C3orf49: variants seen among roughly 807,000 people sequenced by gnomAD.
The protein encoded by C3orf49 is putative uncharacterized protein C3orf49.
C3orf49 carries 27 observed loss-of-function variants against 13.3 expected under a neutral mutation model. The ratio of observed to expected loss-of-function variants is 2.02; its 90% CI spans 1.49 to 2.79. The LOEUF (loss-of-function observed/expected upper bound fraction) is 2.79, where lower values mean the gene tolerates loss of function less well. Ranked by LOEUF, C3orf49 falls within the 30% of genes most tolerant of loss-of-function variation. The pLI is 0.00. For synonymous variants in C3orf49, 87 were observed against 47.6 expected (o/e 1.83, Z -3.40); for missense variants, 242 against 134.2 (o/e 1.80, Z -3.97).
At position 63,840,230 on chromosome 3, in the gene C3orf49, C is replaced by T. The variant is rs1039002313; in HGVS notation, c.850-4793C>T. On this transcript the variant is annotated intron_variant, in intron 5 of 6. Coordinates refer to ENST00000295896, the MANE Select transcript of C3orf49 (RefSeq NM_001355236.2). Reference sequence around the variant, plus strand: ...TAATGTCTCTGGCTGTTGAGAAGCACTGACAAAAGGAATAGACAGGAAATA... The same window carrying T: ...TAATGTCTCTGGCTGTTGAGAAGCATTGACAAAAGGAATAGACAGGAAATA... Among the ~76,000 whole-genome samples, 9 of 151,696 alleles carry T rather than the reference C, an allele frequency of 5.9e-5. No individual in the cohort carries two copies. The East Asian group carries it at 1.7e-3, about 29-fold the overall frequency.
At chr3:63,790,574 G>C in the C3orf49 span, among the ~76,000 whole-genome samples, 1 of 147,694 alleles carries the variant, frequency 6.8e-6, no homozygotes, top group Non-Finnish European at 1.5e-5. Context: ...CCAAGTCTAG[G>C]ATCTTGCTAT....
At chr3:63,781,315 T>C in the C3orf49 span, among the ~76,000 whole-genome samples, 4 of 152,036 alleles carry the variant, frequency 2.6e-5, no homozygotes, top group East Asian at 5.8e-4. Context: ...TGCGGCATTA[T>C]GTCTGAGGGC....
intron 5 of C3orf49, among the ~76,000 whole-genome samples, chr3:63,843,627 G>T (rs1490759479): frequency 6.6e-6 from 1 of 152,118 alleles, no homozygotes; most frequent in African/African-American, 2.4e-5. Flanking sequence ...TGGGCTGGGC[G>T]TGGTGGCTCA....
At chr3:63,793,402 C>G in the C3orf49 span, among the ~76,000 whole-genome samples, 1 of 152,042 alleles carries the variant, frequency 6.6e-6, no homozygotes, top group African/African-American at 2.4e-5. Flanking sequence ...CATCAGCAAC[C>G]CCCCTTTTAT....
At chr3:63,833,872 C>A in intron 5 of C3orf49, 1 of 368,588 alleles carries the variant, frequency 2.7e-6, no homozygotes. Context: ...CAAACATATG[C>A]AGCTTAAAAG....
chr3:63,838,294 A>C, intron 5 of C3orf49: 2 of 1,093,124 alleles, frequency 1.8e-6, no homozygotes, highest in Non-Finnish European at 2.6e-6. Context: ...TTTACCACCA[A>C]AGAAAATTGT....
At chr3:63,788,258 G>A in the C3orf49 span, among the ~76,000 whole-genome samples, 1 of 152,160 alleles carries the variant, frequency 6.6e-6, no homozygotes, top group African/African-American at 2.4e-5. Flanking sequence ...CAAATGTTAA[G>A]GAAGTGATCC....
At chr3:63,785,988 A>G in the C3orf49 span, 1 of 152,174 alleles carries the variant, frequency 6.6e-6, no homozygotes, top group African/African-American at 2.4e-5. Context: ...TTCTAGATTC[A>G]CTTTCAAAAT....
chr3:63,790,770 G>T, the C3orf49 span, among the ~76,000 whole-genome samples: 1 of 152,068 alleles, frequency 6.6e-6, no homozygotes, highest in Non-Finnish European at 1.5e-5. Context: ...AGTGGCCTTT[G>T]TTTTTGATAT....
chr3:63,801,093 G>T, the C3orf49 span, among the ~76,000 whole-genome samples: 2 of 151,940 alleles, frequency 1.3e-5, no homozygotes, highest in African/African-American at 4.8e-5. Context: ...CCTGGGGAAG[G>T]GAAAAAAGGG....
At chr3:63,838,268 T>C in intron 5 of C3orf49, 1 of 962,632 alleles carries the variant, frequency 1.0e-6, no homozygotes, top group Admixed American at 3.1e-5. Context: ...ATTAATACAG[T>C]AATTGTTATT....
intron 5 of C3orf49, chr3:63,838,638 T>C (rs1434552099): frequency 2.4e-6 from 2 of 826,732 alleles, no homozygotes; most frequent in African/African-American, 1.8e-5. Context: ...ATTTAGAATA[T>C]CTGTCCCTTA....
chr3:63,782,007 C>T, the C3orf49 span, among the ~76,000 whole-genome samples: 3 of 152,204 alleles, frequency 2.0e-5, no homozygotes, highest in East Asian at 5.8e-4. Context: ...GCTCTAGAGC[C>T]TGTATGCTTA....
chr3:63,812,457 C>G, the C3orf49 span, among the ~76,000 whole-genome samples: 1 of 152,102 alleles, frequency 6.6e-6, no homozygotes, highest in Non-Finnish European at 1.5e-5. Context: ...TCTCCAGATT[C>G]AAGATAAAAA....
In C3orf49 at chr3:63,843,679, T is replaced by C. The variant is rs552327392; in HGVS notation, c.850-1344T>C. Reference sequence around the variant, plus strand: ...ACTTTGGGAGGCCAAGGTGGGCGCATCACGAGGTCAGGAGATCGAGACCAT... The same window carrying C: ...ACTTTGGGAGGCCAAGGTGGGCGCACCACGAGGTCAGGAGATCGAGACCAT... On this transcript the variant is annotated intron_variant, in intron 5 of 6. Transcript: ENST00000295896. 6.6e-5 allele frequency among the ~76,000 whole-genome samples: 10 copies of C among 152,176 alleles called. No homozygotes were observed. In the East Asian group the frequency reaches 2.0e-3, roughly 30 times the overall value.
In C3orf49 at chr3:63,827,593, T is replaced by G. The variant is rs114179196; in HGVS notation, c.446-8T>G. 2.9e-4 allele frequency: 205 copies of G among 700,536 alleles called. No individual in the cohort carries two copies. The African/African-American group carries it at 3.3e-3, about 11-fold the overall frequency. 43.4% of individuals were successfully genotyped at this position (700,536 alleles called of 1,614,324 possible). A position where few individuals can be genotyped will look rare whatever the true frequency, so the allele number is the denominator to read the frequency against. ...CCTTACAGATTCCTTTTTCCCCCTTTCTTGAAGCGACTATACAACTTGATG... is the reference window on the plus strand; with the variant it reads ...CCTTACAGATTCCTTTTTCCCCCTTGCTTGAAGCGACTATACAACTTGATG... On this transcript the variant is annotated splice_polypyrimidine_tract_variant and splice_region_variant and intron_variant, in intron 2 of 6. Transcript: ENST00000295896.
chr3:63,787,963 T>G, the C3orf49 span, among the ~76,000 whole-genome samples: 2 of 152,230 alleles, frequency 1.3e-5, no homozygotes, highest in Non-Finnish European at 2.9e-5. Context: ...GACTATTTGC[T>G]TTTAGAGAAG....
At chr3:63,798,039 C>A in the C3orf49 span, among the ~76,000 whole-genome samples, 1 of 152,094 alleles carries the variant, frequency 6.6e-6, no homozygotes, top group Non-Finnish European at 1.5e-5. Context: ...TCTGTGGATT[C>A]TAGTTAGGCA....
At chr3:63,846,038 T>A (rs1701886716) in intron 6 of C3orf49, 1 of 219,834 alleles carries the variant, frequency 4.5e-6, no homozygotes, top group Admixed American at 5.8e-5. Context: ...TCCTCTAAAA[T>A]CACCTTTTAA....
Sources: gnomAD v4.1 joint callset for allele counts (sites outside exome capture counted in the v4.1 genomes callset) on GRCh38, gnomAD v4.1.1 for gene constraint, MANE v1.5 for transcripts, NCBI Gene and HGNC (gene_info 2026-07-23, HGNC 2026-07-21) for gene names.